Variants in DENND1A observed in about 807,000 individuals in gnomAD.
DENND1A encodes the protein DENN domain containing 1A.
DENND1A carries 51 observed loss-of-function variants against 113.7 expected under a neutral mutation model. The ratio of observed to expected loss-of-function variants is 0.45; its 90% CI spans 0.36 to 0.57. The LOEUF (loss-of-function observed/expected upper bound fraction) is 0.57, where lower values mean the gene tolerates loss of function less well. DENND1A is among the 20% of genes least tolerant of loss of function. DENND1A has a pLI of 0.00. For missense variants in DENND1A, 1,258 were observed against 1,395.9 expected, an observed-to-expected ratio of 0.90 and a Z score of 1.57; for synonymous variants, 565 against 570.8, an observed-to-expected ratio of 0.99 and a Z score of 0.14.
Position 123,497,709 on chromosome 9 carries a change from C to T in DENND1A, c.994-39812G>A, listed in dbSNP as rs138736946. 5.2e-3 allele frequency among the ~76,000 whole-genome samples: 787 copies of T among 151,798 alleles called. 5 individuals are homozygous for T. Among genetic ancestry groups the T allele is most frequent in the Middle Eastern group, 0.017 (5 of 294 alleles). On this transcript the variant is annotated intron_variant, in intron 13 of 23. Transcript: ENST00000394215. Reference sequence around the variant, plus strand: ...AAGAGCCTTATGAGCATTATTTCAACCCAAAAAACTACGTTAGCACTATCC... The same window carrying T: ...AAGAGCCTTATGAGCATTATTTCAATCCAAAAAACTACGTTAGCACTATCC...
chr9:123,395,050 CCAAGA>C (rs1200174832), intron 21 of DENND1A, among the ~76,000 whole-genome samples: 6 of 152,272 alleles, frequency 3.9e-5, no homozygotes, highest in African/African-American at 1.2e-4. Context: ...GGGAGCTTAG[CCAAGA>C]CAACACGTGT....
intron 5 of DENND1A, among the ~76,000 whole-genome samples, chr9:123,718,650 G>A (rs928708987): frequency 6.6e-6 from 1 of 152,166 alleles, no homozygotes; most frequent in African/African-American, 2.4e-5. Flanking sequence ...GAAGAACACT[G>A]GAACGATTCT....
chr9:123,475,766 A>G (rs528152706), intron 13 of DENND1A, among the ~76,000 whole-genome samples: 5 of 152,252 alleles, frequency 3.3e-5, no homozygotes, highest in Non-Finnish European at 7.3e-5. Flanking sequence ...TTTTAAGTAA[A>G]TATTAATTAT....
At chr9:123,535,741 A>T (rs1468881449) in intron 13 of DENND1A, among the ~76,000 whole-genome samples, 4 of 152,086 alleles carry the variant, frequency 2.6e-5, no homozygotes, top group Non-Finnish European at 4.4e-5. Context: ...TACCAGAAAA[A>T]CACCTCCCCT....
intron 5 of DENND1A, among the ~76,000 whole-genome samples, chr9:123,707,611 A>G (rs887509710): frequency 6.6e-6 from 1 of 152,216 alleles, no homozygotes; most frequent in Non-Finnish European, 1.5e-5. Context: ...AGATCAAGAA[A>G]GAGGAGAACT....
intron 5 of DENND1A, among the ~76,000 whole-genome samples, chr9:123,712,092 C>T (rs2066674040): frequency 6.6e-6 from 1 of 152,224 alleles, no homozygotes; most frequent in Non-Finnish European, 1.5e-5. Flanking sequence ...TCCACACAAA[C>T]ATATTATACC....
At chr9:123,468,833 G>C (rs1212358404) in intron 13 of DENND1A, among the ~76,000 whole-genome samples, 2 of 152,248 alleles carry the variant, frequency 1.3e-5, no homozygotes, top group Non-Finnish European at 2.9e-5. Flanking sequence ...GGCAGCCAAG[G>C]TCTGCTGAGC....
At chr9:123,619,254 G>GT (rs1397412233) in intron 10 of DENND1A, among the ~76,000 whole-genome samples, 1 of 152,112 alleles carries the variant, frequency 6.6e-6, no homozygotes, top group Non-Finnish European at 1.5e-5. Context: ...GCCTAAAAAA[G>GT]TTTTTTATAA....
At chr9:123,825,447 T>G (rs928041947) in intron 2 of DENND1A, among the ~76,000 whole-genome samples, 4 of 152,110 alleles carry the variant, frequency 2.6e-5, no homozygotes, top group African/African-American at 9.7e-5. Flanking sequence ...ACAGAAAATT[T>G]TCAAATGAAA....
intron 19 of DENND1A, among the ~76,000 whole-genome samples, chr9:123,416,369 G>C (rs1319330519): frequency 1.3e-5 from 2 of 152,238 alleles, no homozygotes; most frequent in Non-Finnish European, 2.9e-5. Flanking sequence ...AGAGCTGGGA[G>C]TGTTGGTTGT....
chr9:123,434,958 G>C (rs56841789), intron 19 of DENND1A, among the ~76,000 whole-genome samples: 11,009 of 152,274 alleles, frequency 0.072, 510 homozygotes, highest in East Asian at 0.14. Flanking sequence ...TGTGGCAAAG[G>C]TGATGGAGAG....
At chr9:123,648,145 T>A (rs2062439007) in intron 9 of DENND1A, among the ~76,000 whole-genome samples, 1 of 152,184 alleles carries the variant, frequency 6.6e-6, no homozygotes, top group Non-Finnish European at 1.5e-5. Context: ...AGTGGTATGA[T>A]CATACCTTAC....
chr9:123,839,868 G>C lies in DENND1A; in HGVS notation c.88+39083C>G, dbSNP rs1841572597. Among the ~76,000 whole-genome samples the C allele has an allele frequency of 2.0e-5, 3 of 152,182 alleles. No individual in the cohort carries two copies. In the East Asian group the frequency reaches 5.8e-4, roughly 29 times the overall value. ...CTACCACCTATGAATTATTTCTGAA[G>C]CTAAGCAGTAGAATTGAATTTAAAT... is the stretch of plus-strand genomic sequence containing the variant. On this transcript the variant is annotated intron_variant, in intron 2 of 23. Coordinates refer to ENST00000394215, the MANE Select transcript of DENND1A (RefSeq NM_001352964.2).
At chr9:123,568,028 A>G (rs927652166) in intron 12 of DENND1A, among the ~76,000 whole-genome samples, 11 of 152,228 alleles carry the variant, frequency 7.2e-5, no homozygotes, top group Non-Finnish European at 1.5e-4. Context: ...GATGAGTACA[A>G]AGGTGTTCAC....
chr9:123,513,429 A>G (rs2053618023), intron 13 of DENND1A, among the ~76,000 whole-genome samples: 1 of 152,258 alleles, frequency 6.6e-6, no homozygotes, highest in Non-Finnish European at 1.5e-5. Context: ...GAGATCCTAC[A>G]GAACCGAGGC....
chr9:123,756,180 A>G (rs1589954283), intron 5 of DENND1A, among the ~76,000 whole-genome samples: 1 of 152,144 alleles, frequency 6.6e-6, no homozygotes, highest in African/African-American at 2.4e-5. Context: ...CCAAAGTGCT[A>G]GGATTACAGT....
intron 19 of DENND1A, chr9:123,413,734 C>G (rs2044493154): frequency 1.7e-5 from 17 of 985,376 alleles, no homozygotes; most frequent in Non-Finnish European, 1.9e-5. Flanking sequence ...TGACAGCTAC[C>G]CGGGAGTTGG....
chr9:123,682,591 T>A (rs2064540729), intron 5 of DENND1A, among the ~76,000 whole-genome samples: 1 of 152,002 alleles, frequency 6.6e-6, no homozygotes, highest in Non-Finnish European at 1.5e-5. Context: ...AAAAACCTCC[T>A]CCCCAATGTT....
intron 1 of DENND1A, among the ~76,000 whole-genome samples, chr9:123,914,076 C>T (rs1332121998): frequency 6.6e-6 from 1 of 151,596 alleles, no homozygotes; most frequent in African/African-American, 2.4e-5. Context: ...ATATTTTAAG[C>T]GGGTAGAACC....
Sources: gnomAD v4.1 joint callset for allele counts (sites outside exome capture counted in the v4.1 genomes callset) on GRCh38, gnomAD v4.1.1 for gene constraint, MANE v1.5 for transcripts, NCBI Gene and HGNC (gene_info 2026-07-23, HGNC 2026-07-21) for gene names.